The following GRM7 variants were observed in gnomAD, a reference collection of about 807,000 sequenced individuals.
GRM7 encodes the protein metabotropic glutamate receptor 7.
In GRM7, 35 loss-of-function variants were observed where a neutral mutation model predicts 84.5. The observed-to-expected ratio is 0.41, with a 90% CI of 0.32 to 0.55. The LOEUF (loss-of-function observed/expected upper bound fraction) is 0.55, where lower values mean the gene tolerates loss of function less well. GRM7 is among the 20% of genes least tolerant of loss of function. The pLI is 0.19. For synonymous variants in GRM7, 487 were observed against 455.1 expected (o/e 1.07, Z -0.89); for missense variants, 1,003 against 1,194.6 (o/e 0.84, Z 2.36).
At chr3:7,031,151 A>T (rs868560233) in intron 1 of GRM7, among the ~76,000 whole-genome samples, 1 of 152,142 alleles carries the variant, frequency 6.6e-6, no homozygotes, top group South Asian at 2.1e-4. Flanking sequence ...TTTGCCAATT[A>T]TAACTCAGGA....
intron 1 of GRM7, among the ~76,000 whole-genome samples, chr3:6,872,613 GC>G (rs1024006549): frequency 1.3e-5 from 2 of 151,442 alleles, no homozygotes; most frequent in South Asian, 2.1e-4. Context: ...CCCTCCCTTA[GC>G]CCCCCCAACC....
intron 7 of GRM7, among the ~76,000 whole-genome samples, chr3:7,531,371 G>A (rs1173951820): frequency 1.3e-5 from 2 of 151,996 alleles, no homozygotes; most frequent in South Asian, 2.1e-4. Flanking sequence ...AGCGGGATGG[G>A]GATACCATTG....
At chr3:7,322,304 A>C (rs1458565403) in intron 4 of GRM7, among the ~76,000 whole-genome samples, 1 of 152,120 alleles carries the variant, frequency 6.6e-6, no homozygotes, top group Non-Finnish European at 1.5e-5. Flanking sequence ...CATTTGCCCA[A>C]AGTTACATAA....
chr3:7,252,671 C>CTTTTCTTTTCTTTTCTTT (rs150479691), intron 2 of GRM7, among the ~76,000 whole-genome samples: 19 of 134,598 alleles, frequency 1.4e-4, no homozygotes, highest in African/African-American at 4.7e-4. Flanking sequence ...CTATTTTTTT[C>CTTTTCTTTTCTTTTCTTT]TTTTCTTTTC....
chr3:6,993,224 A>T (rs950634787), intron 1 of GRM7, among the ~76,000 whole-genome samples: 1 of 152,214 alleles, frequency 6.6e-6, no homozygotes, highest in Non-Finnish European at 1.5e-5. Context: ...AACGGCCCTC[A>T]TGATTCAATT....
intron 1 of GRM7, among the ~76,000 whole-genome samples, chr3:7,129,145 A>G (rs6769812): frequency 0.54 from 82,436 of 152,028 alleles, 24,462 homozygotes; most frequent in African/African-American, 0.8. Context: ...ATTTGGGGTC[A>G]TTGTAGGTGA....
chr3:7,699,803 A>G lies in GRM7; in HGVS notation c.2698+19508A>G, dbSNP rs533550828. Among the ~76,000 whole-genome samples the G allele has an allele frequency of 4.1e-4, 63 of 152,306 alleles. 1 individual carries two copies. Among genetic ancestry groups the G allele is most frequent in the South Asian group, 3.5e-3 (17 of 4,830 alleles). On this transcript the variant is annotated intron_variant, in intron 9 of 9. Transcript: ENST00000357716. ...AAGATACAAGTTTTTCTTTAAAAAAATAACCTGATTGCCTAACAAAAGTTA... is the reference window on the plus strand; with the variant it reads ...AAGATACAAGTTTTTCTTTAAAAAAGTAACCTGATTGCCTAACAAAAGTTA...
intron 7 of GRM7, among the ~76,000 whole-genome samples, chr3:7,536,281 A>G (rs967787513): frequency 1.3e-5 from 2 of 152,184 alleles, no homozygotes; most frequent in East Asian, 1.9e-4. Context: ...AAGAAAACCA[A>G]TAACTATTAC....
chr3:7,395,860 T>C (rs1375443315), intron 4 of GRM7, among the ~76,000 whole-genome samples: 2 of 152,122 alleles, frequency 1.3e-5, no homozygotes, highest in Non-Finnish European at 2.9e-5. Flanking sequence ...AGGAAGACTG[T>C]AGTTAATGAT....
intron 2 of GRM7, among the ~76,000 whole-genome samples, chr3:7,242,812 T>G (rs559427722): frequency 6.6e-6 from 1 of 152,176 alleles, no homozygotes; most frequent in African/African-American, 2.4e-5. Context: ...TTGTTAATTA[T>G]GCCTTTCCAT....
chr3:7,169,738 A>G (rs1280417920), intron 2 of GRM7, among the ~76,000 whole-genome samples: 1 of 152,178 alleles, frequency 6.6e-6, no homozygotes, highest in Admixed American at 6.5e-5. Flanking sequence ...AACAGGAGAC[A>G]TTATTATTTT....
chr3:7,115,948 T>A (rs774236619), intron 1 of GRM7, among the ~76,000 whole-genome samples: 1 of 152,128 alleles, frequency 6.6e-6, no homozygotes, highest in Non-Finnish European at 1.5e-5. Context: ...TTTATAGACA[T>A]TGCCTTTCAG....
At chr3:7,195,367 C>T (rs751249606) in intron 2 of GRM7, among the ~76,000 whole-genome samples, 29 of 152,010 alleles carry the variant, frequency 1.9e-4, no homozygotes, top group Non-Finnish European at 3.8e-4. Flanking sequence ...AATAGAACCC[C>T]TTATCAGGCA....
At position 7,484,176 on chromosome 3, in the gene GRM7, A is replaced by G. The variant is rs1289620299; in HGVS notation, c.1515+22454A>G. Reference sequence around the variant, plus strand: ...GACTTATGGTAAGGTGCATTTAACAAGAGTGGAGCAATCTGTGTCTCCAAT... The same window carrying G: ...GACTTATGGTAAGGTGCATTTAACAGGAGTGGAGCAATCTGTGTCTCCAAT... On this transcript the variant is annotated intron_variant, in intron 7 of 9. Coordinates refer to ENST00000357716, the MANE Select transcript of GRM7 (RefSeq NM_000844.4). Among the ~76,000 whole-genome samples, 4 of 152,344 alleles carry G rather than the reference A, an allele frequency of 2.6e-5. No homozygotes were observed. In the East Asian group the frequency reaches 5.8e-4, roughly 22 times the overall value.
intron 8 of GRM7, among the ~76,000 whole-genome samples, chr3:7,606,720 G>C (rs1696592579): frequency 6.6e-6 from 1 of 152,048 alleles, no homozygotes; most frequent in Non-Finnish European, 1.5e-5. Flanking sequence ...TTTTAGTAGA[G>C]ACAGGGTTTT....
intron 2 of GRM7, among the ~76,000 whole-genome samples, chr3:7,192,444 C>T (rs1575014027): frequency 6.6e-6 from 1 of 152,244 alleles, no homozygotes. Flanking sequence ...TGCACTCCCC[C>T]AGAAGTTGGT....
chr3:7,669,478 G>A (rs1699836677), intron 8 of GRM7, among the ~76,000 whole-genome samples: 2 of 152,224 alleles, frequency 1.3e-5, no homozygotes, highest in African/African-American at 2.4e-5. Flanking sequence ...TTTGGGCCAT[G>A]TGAAGGAATA....
intron 1 of GRM7, among the ~76,000 whole-genome samples, chr3:7,084,264 C>T (rs1022855811): frequency 6.6e-6 from 1 of 152,042 alleles, no homozygotes; most frequent in African/African-American, 2.4e-5. Flanking sequence ...ATTTCTCAAG[C>T]ATGGTTCCTG....
intron 8 of GRM7, among the ~76,000 whole-genome samples, chr3:7,606,204 C>G (rs915158077): frequency 6.6e-6 from 1 of 152,124 alleles, no homozygotes; most frequent in Non-Finnish European, 1.5e-5. Context: ...TGACTTTTCC[C>G]ATAAAACTCA....
Sources: allele counts gnomAD v4.1 joint callset (sites outside exome capture counted in the v4.1 genomes callset), GRCh38; gene constraint gnomAD v4.1.1; transcripts MANE v1.5; gene names NCBI Gene and HGNC (gene_info 2026-07-23, HGNC 2026-07-21).